ALS2: variants seen among roughly 807,000 people sequenced by gnomAD.
ALS2 encodes alsin.
ALS2 carries 117 observed loss-of-function variants against 203.4 expected under a neutral mutation model. That is an observed-to-expected ratio of 0.58 (90% CI 0.50 to 0.67). The LOEUF (loss-of-function observed/expected upper bound fraction) is 0.67. Among genes scored for constraint, ALS2 ranks in the 30% least tolerant of loss-of-function variants. The pLI is 0.00. For missense variants in ALS2, 1,715 were observed against 1,989.4 expected (o/e 0.86, Z 2.62); for synonymous variants, 718 against 725.9 (o/e 0.99, Z 0.17).
intron 1 of ALS2, among the ~76,000 whole-genome samples, chr2:201,779,703 C>T (rs1172152866): frequency 6.6e-5 from 10 of 152,144 alleles, no homozygotes; most frequent in Admixed American, 6.5e-4. Flanking sequence ...ACATTTTTAT[C>T]CCCAATTTAG....
At chr2:201,724,834 C>A (rs945152947) in intron 20 of ALS2, among the ~76,000 whole-genome samples, 3 of 152,018 alleles carry the variant, frequency 2.0e-5, no homozygotes, top group Admixed American at 6.5e-5. Context: ...AAATTTAGGG[C>A]TGGGTGCGGT....
intron 2 of ALS2, among the ~76,000 whole-genome samples, chr2:201,767,628 C>T (rs921244401): frequency 1.1e-4 from 17 of 151,176 alleles, no homozygotes; most frequent in African/African-American, 2.2e-4. Flanking sequence ...TTTGGGAGGC[C>T]GAGGCAGGCA....
intron 12 of ALS2, among the ~76,000 whole-genome samples, chr2:201,736,769 T>G (rs1366678718): frequency 6.6e-6 from 1 of 152,132 alleles, no homozygotes; most frequent in Admixed American, 6.5e-5. Flanking sequence ...CTACAGTTAT[T>G]CTGGTGTAAT....
intron 1 of ALS2, among the ~76,000 whole-genome samples, chr2:201,770,357 G>A (rs138831404): frequency 1.7e-3 from 254 of 152,194 alleles, no homozygotes; most frequent in Non-Finnish European, 3.0e-3. Flanking sequence ...AATGAATAAA[G>A]TCAACCTTTA....
intron 5 of ALS2, among the ~76,000 whole-genome samples, chr2:201,756,317 C>T (rs979563051): frequency 5.3e-5 from 8 of 150,318 alleles, no homozygotes; most frequent in African/African-American, 1.7e-4. Context: ...TATATATATA[C>T]ATATATATTC....
chr2:201,754,617 A>C lies in ALS2; in HGVS notation c.1526T>G (p.Leu509Arg). Residue 509 changes from leucine (L) to arginine (R), a missense_variant, in exon 6 of 34, where the codon CTG (leucine) becomes CGG (arginine). Around this residue, in one of 3 missense-constraint regions of ALS2, gnomAD observed 1,227 missense variants for 1,413.5 expected, o/e 0.87. Coordinates refer to ENST00000264276, the MANE Select transcript of ALS2 (RefSeq NM_020919.4). ...TGCTTCTCCACTGTATGTGGGGGTC[A>C]GAACCACTGTCCTCGTTTTCACCCG... ...AARVKTRTVV[L>R]TPTYSGEADA... The C allele has an allele frequency of 6.2e-7, 1 of 1,614,184 alleles. No individual in the cohort carries two copies. Among genetic ancestry groups the C allele is most frequent in the South Asian group, 1.1e-5 (1 of 91,088 alleles).
At chr2:201,735,727 A>G (rs1336580199) in intron 12 of ALS2, among the ~76,000 whole-genome samples, 2 of 152,204 alleles carry the variant, frequency 1.3e-5, no homozygotes, top group Non-Finnish European at 1.5e-5. Context: ...AACAAGGTCA[A>G]TTCTTCAGTA....
chr2:201,754,383 T>C (rs1693257081), intron 6 of ALS2, 120 bp downstream of exon 6: 5 of 1,241,520 alleles, frequency 4.0e-6, no homozygotes, highest in Non-Finnish European at 1.2e-6. Flanking sequence ...TGGTGTGTAA[T>C]AATCTGAAGC....
chr2:201,735,914 C>G (rs544859407), intron 12 of ALS2, among the ~76,000 whole-genome samples: 1 of 152,166 alleles, frequency 6.6e-6, no homozygotes, highest in Non-Finnish European at 1.5e-5. Context: ...TCAAGCATTA[C>G]TATTTGCAAA....
rs142744584 is a variant in ALS2 at position 201,727,549 on chromosome 2, A to G, written c.2912+156T>C. ...CACAACAGGCCATTTTATTATCAAT[A>G]GACTACTTTACTGTCTAATGTGCTG... is the stretch of plus-strand genomic sequence containing the variant. On this transcript the variant is annotated intron_variant, in intron 16 of 33. Transcript: ENST00000264276. 4.1e-3 allele frequency among the ~76,000 whole-genome samples: 622 copies of G among 152,222 alleles called. 2 individuals are homozygous for G. Among genetic ancestry groups the G allele is most frequent in the Admixed American group, 9.4e-3 (144 of 15,286 alleles).
intron 5 of ALS2, 94 bp downstream of exon 5, chr2:201,757,308 A>T (rs760907951): frequency 1.2e-5 from 12 of 1,041,712 alleles, no homozygotes; most frequent in Non-Finnish European, 1.6e-5. Flanking sequence ...TCAGCTTCAT[A>T]ATTAGGACAG....
At chr2:201,767,485 G>A in intron 2 of ALS2, 102 bp from the exon 3 acceptor site, 2 of 1,311,812 alleles carry the variant, frequency 1.5e-6, no homozygotes, top group Non-Finnish European at 2.1e-6. Flanking sequence ...GCACATGGAT[G>A]ACTAGGTCAG....
intron 11 of ALS2, among the ~76,000 whole-genome samples, chr2:201,740,700 C>A (rs910058614): frequency 6.6e-6 from 1 of 152,156 alleles, no homozygotes; most frequent in African/African-American, 2.4e-5. Context: ...TAGCATCCAA[C>A]TATCTGTACA....
rs1275973309 is a variant in ALS2, at chr2:201,738,669, C to T, written c.2417+1G>A. The T allele has an allele frequency of 6.2e-7, 1 of 1,613,558 alleles. No homozygotes were observed. Among genetic ancestry groups the T allele is most frequent in the Admixed American group, 1.7e-5 (1 of 60,012 alleles). ...TAACTGGAAGGTGTGGGTTTGCTTA[C>T]ATGGCAGGCTTAGCAAGAAGCTGGA... On this transcript the variant is annotated splice_donor_variant, in intron 12 of 33. Transcript: ENST00000264276. LOFTEE classifies it high-confidence loss of function.
chr2:201,738,927 A>T (rs1013430123), intron 11 of ALS2, among the ~76,000 whole-genome samples, 192 bp from the exon 12 acceptor site: 1 of 152,126 alleles, frequency 6.6e-6, no homozygotes, highest in Non-Finnish European at 1.5e-5. Flanking sequence ...GTGGTAGGGG[A>T]ATTCCAGCTT....
intron 8 of ALS2, among the ~76,000 whole-genome samples, chr2:201,749,165 A>C (rs1035074861): frequency 6.6e-6 from 1 of 152,154 alleles, no homozygotes; most frequent in African/African-American, 2.4e-5. Context: ...AGAGACTAGA[A>C]GCTACCAATC....
chr2:201,704,255 CT>C (rs2105963254), intron 32 of ALS2, 37 bp from the exon 33 acceptor site: 1 of 1,573,674 alleles, frequency 6.4e-7, no homozygotes, highest in East Asian at 2.2e-5. Flanking sequence ...GTTATTTTCA[CT>C]TACATGTCCA....
At chr2:201,702,008 A>C (rs1480417872) in intron 33 of ALS2, 119 bp from the exon 34 acceptor site, 5 of 852,554 alleles carry the variant, frequency 5.9e-6, no homozygotes, top group Non-Finnish European at 9.7e-6. Context: ...TGATGGCCCA[A>C]CAGATTTAAT....
intron 3 of ALS2, chr2:201,763,126 C>A: frequency 4.7e-6 from 1 of 210,632 alleles, no homozygotes; most frequent in Non-Finnish European, 9.3e-6. Context: ...CCACTTGCTC[C>A]AAGGAGGTGG....
Sources: gnomAD v4.1 joint callset for allele counts (sites outside exome capture counted in the v4.1 genomes callset) on GRCh38, gnomAD v4.1.1 for gene constraint, gnomAD v4.1.1 regional missense constraint, MANE v1.5 for transcripts, NCBI Gene and HGNC (gene_info 2026-07-23, HGNC 2026-07-21) for gene names.